The following LRRC53 variants were observed in gnomAD, a reference collection of about 807,000 sequenced individuals.
The protein encoded by LRRC53 is leucine rich repeat containing 53.
In LRRC53, 25 loss-of-function variants were observed where a neutral mutation model predicts 13.6. That is an observed-to-expected ratio of 1.83 (90% CI 1.34 to 2.56). The LOEUF (loss-of-function observed/expected upper bound fraction) is 2.56, where lower values mean the gene tolerates loss of function less well. LRRC53 is among the 30% of genes most tolerant of loss of function. The pLI is 0.00. For synonymous variants in LRRC53, 204 were observed against 109.8 expected (o/e 1.86, Z -5.37); for missense variants, 527 against 275.8 (o/e 1.91, Z -6.45).
At chr1:74,513,717 A>G (rs74531653), upstream of LRRC53, among the ~76,000 whole-genome samples, 584 of 152,342 alleles carry the variant, frequency 3.8e-3, 22 homozygotes, top group East Asian at 0.09. Flanking sequence ...GATGAGCATT[A>G]CCAGAGAGAA....
rs748764225 is a variant in LRRC53 at position 74,469,842 on chromosome 1, T to C, written c.*36A>G. ...TTTGTCCTCTTGAAGAAAGCTAAAG[T>C]AGAAAAGGATTATTATTTGAGTTAT... On this transcript the variant is annotated 3_prime_UTR_variant, in exon 5 of 5. Coordinates refer to ENST00000294635, the MANE Select transcript of LRRC53 (RefSeq NM_001382280.1). The C allele has an allele frequency of 2.5e-6, 1 of 400,254 alleles. No individual in the cohort carries two copies. Among genetic ancestry groups the C allele is most frequent in the African/African-American group, 2.1e-5 (1 of 48,712 alleles). The allele number at this position is 400,254 out of a possible 1,614,324, so 24.8% of individuals were successfully genotyped here.
the LRRC53 span, among the ~76,000 whole-genome samples, chr1:74,526,386 C>T: frequency 6.9e-4 from 105 of 152,266 alleles, 2 homozygotes; most frequent in Middle Eastern, 0.02. Flanking sequence ...ATTTATGTAA[C>T]TACCCAGTGG....
chr1:74,505,112 C>G (rs912397169), intron 1 of LRRC53, among the ~76,000 whole-genome samples: 3 of 152,086 alleles, frequency 2.0e-5, no homozygotes, highest in African/African-American at 7.2e-5. Flanking sequence ...AAGGAGGGCC[C>G]GGGCCCACTC....
Position 74,470,713 on chromosome 1 carries a change from G to A in LRRC53, c.2909C>T (p.Thr970Ile). The A allele has an allele frequency of 2.5e-6, 1 of 400,460 alleles. No homozygotes were observed. Among genetic ancestry groups the A allele is most frequent in the Non-Finnish European group, 4.4e-6 (1 of 226,102 alleles). The allele number at this position is 400,460 out of a possible 1,614,324, so 24.8% of individuals were successfully genotyped here. The change falls in exon 5 of 5, where the codon ACA becomes ATA. Residue 970 changes from threonine (T) to isoleucine (I), a missense_variant. Physicochemically the swap from Thr to Ile is moderately conservative, Grantham distance 89. Coordinates refer to ENST00000294635, the MANE Select transcript of LRRC53 (RefSeq NM_001382280.1). Reference protein sequence around the residue: ...SHAQLENKEKTLMTKPQISHQ... With the variant: ...SHAQLENKEKILMTKPQISHQ... ...TGATATTTGGGGTTTTGTCATTAATGTTTTTTCTTTATTTTCAAGCTGTGC... is the reference window on the plus strand; with the variant it reads ...TGATATTTGGGGTTTTGTCATTAATATTTTTTCTTTATTTTCAAGCTGTGC...
chr1:74,482,281 A>G (rs1313843127), intron 2 of LRRC53, among the ~76,000 whole-genome samples: 1 of 152,166 alleles, frequency 6.6e-6, no homozygotes, highest in Admixed American at 6.5e-5. Context: ...CTCTGTATTT[A>G]TGAAATCTAA....
the LRRC53 span, among the ~76,000 whole-genome samples, chr1:74,531,164 G>A: frequency 6.6e-6 from 1 of 152,132 alleles, no homozygotes; most frequent in South Asian, 2.1e-4. Context: ...ATTCCTGAAA[G>A]AGATATTTTG....
the LRRC53 span, among the ~76,000 whole-genome samples, chr1:74,531,774 A>G: frequency 6.6e-6 from 1 of 152,204 alleles, no homozygotes; most frequent in Admixed American, 6.5e-5. Flanking sequence ...GATAACTTCT[A>G]AGTTAGAGAT....
chr1:74,495,755 G>A (rs1433349143), intron 1 of LRRC53, among the ~76,000 whole-genome samples: 2 of 152,088 alleles, frequency 1.3e-5, no homozygotes, highest in Admixed American at 6.6e-5. Flanking sequence ...AGTTTCTCTG[G>A]CATAGGAGAT....
At chr1:74,506,919 T>C (rs1183866712) in intron 1 of LRRC53, among the ~76,000 whole-genome samples, 1 of 152,220 alleles carries the variant, frequency 6.6e-6, no homozygotes, top group Admixed American at 6.5e-5. Context: ...CATTTACCAC[T>C]TTCTACTTGG....
chr1:74,472,277 T>G (rs1348504562), intron 4 of LRRC53, 76 bp from the exon 5 acceptor site: 3 of 675,214 alleles, frequency 4.4e-6, no homozygotes, highest in African/African-American at 1.8e-5. Flanking sequence ...CGTAGAAACC[T>G]TATGAAAAGT....
the LRRC53 span, among the ~76,000 whole-genome samples, chr1:74,517,901 G>C: frequency 6.6e-6 from 1 of 152,240 alleles, no homozygotes; most frequent in East Asian, 1.9e-4. Flanking sequence ...TTTCTAACCA[G>C]TTCCCAGGGG....
intron 1 of LRRC53, among the ~76,000 whole-genome samples, chr1:74,497,833 A>C (rs1460409364): frequency 6.6e-6 from 1 of 152,194 alleles, no homozygotes; most frequent in African/African-American, 2.4e-5. Context: ...TCTAAAATTA[A>C]GTGAATTCCG....
the LRRC53 span, among the ~76,000 whole-genome samples, chr1:74,535,732 C>A: frequency 6.6e-6 from 1 of 152,126 alleles, no homozygotes; most frequent in Non-Finnish European, 1.5e-5. Flanking sequence ...TAAGGTTCAA[C>A]TTAACTCTGT....
At chr1:74,494,115 T>G (rs1252720479) in intron 1 of LRRC53, among the ~76,000 whole-genome samples, 4 of 152,126 alleles carry the variant, frequency 2.6e-5, no homozygotes, top group Non-Finnish European at 5.9e-5. Context: ...TAGTTTAAAA[T>G]CTTTCTCCGT....
intron 3 of LRRC53, among the ~76,000 whole-genome samples, chr1:74,477,583 C>T (rs1041008359): frequency 3.3e-5 from 5 of 152,164 alleles, no homozygotes; most frequent in African/African-American, 1.2e-4. Flanking sequence ...AGACAAGAAT[C>T]AGCCACTGAA....
the LRRC53 span, among the ~76,000 whole-genome samples, chr1:74,534,390 A>T: frequency 2.0e-5 from 3 of 152,204 alleles, no homozygotes; most frequent in Non-Finnish European, 4.4e-5. Context: ...AGTCAGAAGC[A>T]ATTGTGGCAC....
chr1:74,523,805 G>T, the LRRC53 span, among the ~76,000 whole-genome samples: 1 of 152,114 alleles, frequency 6.6e-6, no homozygotes, highest in Non-Finnish European at 1.5e-5. Flanking sequence ...CTTAAGTTCT[G>T]GGATACATGT....
intron 1 of LRRC53, among the ~76,000 whole-genome samples, chr1:74,498,727 T>TC (rs1164576286): frequency 2.6e-5 from 4 of 151,936 alleles, no homozygotes; most frequent in Non-Finnish European, 4.4e-5. Context: ...TTTCCAGTCT[T>TC]CCCCCCGACT....
chr1:74,511,697 G>A (rs1670235720), intron 1 of LRRC53, among the ~76,000 whole-genome samples: 1 of 152,042 alleles, frequency 6.6e-6, no homozygotes, highest in Admixed American at 6.6e-5. Context: ...GAAACACACA[G>A]GAAGATAAGT....
Sources: gnomAD v4.1 joint callset for allele counts (sites outside exome capture counted in the v4.1 genomes callset) on GRCh38, gnomAD v4.1.1 for gene constraint, MANE v1.5 for transcripts, NCBI Gene and HGNC (gene_info 2026-07-23, HGNC 2026-07-21) for gene names.